IGF2: variants seen among roughly 807,000 people sequenced by gnomAD.
IGF2 encodes the protein insulin like growth factor 2.
In IGF2, 2 loss-of-function variants were observed where a neutral mutation model predicts 12.0. The ratio of observed to expected loss-of-function variants is 0.17; its 90% CI spans 0.07 to 0.52. IGF2 has a LOEUF of 0.52. Ranked by LOEUF, IGF2 falls within the 20% of genes least tolerant of loss-of-function variation. The pLI, the probability that IGF2 is intolerant of heterozygous loss-of-function variation, is 0.95. For missense variants in IGF2, 211 were observed against 268.0 expected (o/e 0.79, Z 1.48); for synonymous variants, 105 against 110.1 (o/e 0.95, Z 0.29).
upstream of IGF2, among the ~76,000 whole-genome samples, chr11:2,145,907 C>A (rs1343530230): frequency 6.6e-6 from 1 of 152,108 alleles, no homozygotes; most frequent in African/African-American, 2.4e-5. Context: ...CTGGCTCCTC[C>A]CCCACTACTT....
chr11:2,137,200 A>G, intron 1 of IGF2: 1 of 991,284 alleles, frequency 1.0e-6, no homozygotes, highest in Non-Finnish European at 1.2e-6. Context: ...ACAGCTCAGC[A>G]GAAGGCTCGC....
the IGF2 span, chr11:2,147,875 C>T: frequency 8.7e-7 from 1 of 1,147,780 alleles, no homozygotes; most frequent in Non-Finnish European, 1.1e-6. This position sits in a 1 kb window ranked among gnomAD's most constrained non-coding sequence, Gnocchi z 7.2. Context: ...TCCCCATACA[C>T]CCCAAGCCTG....
Position 2,132,934 on chromosome 11 carries a change from A to C in IGF2, c.*53T>G. ...GAACCTGATGGAAACGTCCGTGGTC[A>C]GGAGGAGGCTGCAGGATGGTGGCGC... On this transcript the variant is annotated 3_prime_UTR_variant, in exon 4 of 4. Transcript: ENST00000416167. The C allele has an allele frequency of 8.2e-7, 1 of 1,215,182 alleles. No individual in the cohort carries two copies. The highest frequency in any genetic ancestry group is 1.1e-6 in the Non-Finnish European group (1 of 874,442). The allele number at this position is 1,215,182 out of a possible 1,614,324, so 75.3% of individuals were successfully genotyped here.
chr11:2,147,716 C>T, the IGF2 span: 18 of 1,249,588 alleles, frequency 1.4e-5, no homozygotes, highest in Non-Finnish European at 1.8e-5. This position sits in a 1 kb window ranked among gnomAD's most constrained non-coding sequence, Gnocchi z 7.2. Context: ...GCAGGCTGGG[C>T]AGGGGGCTGA....
chr11:2,140,492 G>A, upstream of IGF2: 2 of 553,046 alleles, frequency 3.6e-6, no homozygotes, highest in Non-Finnish European at 6.1e-6. Flanking sequence ...CCCGCGCTCC[G>A]CGCGCGCCTC....
At position 2,138,036 on chromosome 11, in the gene IGF2, G is replaced by C. The variant is rs551235138; in HGVS notation, c.-7+193C>G. Among the ~76,000 whole-genome samples the C allele has an allele frequency of 4.0e-3, 608 of 152,058 alleles. 11 individuals carry two copies. In the South Asian group the frequency reaches 0.044, roughly 11 times the overall value. ...CCAGCTCCGCCGCCAGGGTGAGCGC[G>C]GGGCTCCGCGCAGGGAACGGGACCC... is the stretch of plus-strand genomic sequence containing the variant. On this transcript the variant is annotated intron_variant, in intron 1 of 3. Coordinates refer to ENST00000416167, the MANE Select transcript of IGF2 (RefSeq NM_000612.6).
chr11:2,133,528 T>C lies in IGF2; in HGVS notation c.295A>G (p.Thr99Ala). The C allele has an allele frequency of 6.2e-7, 1 of 1,611,674 alleles. No individual in the cohort carries two copies. The highest frequency in any genetic ancestry group is 8.5e-7 in the Non-Finnish European group (1 of 1,179,342). Reference sequence around the variant, plus strand: ...CCCAGGACCCTCACCGGAAGCACGGTCGGAGGGGTCGACACGTCCCTCTCG... The same window carrying C: ...CCCAGGACCCTCACCGGAAGCACGGCCGGAGGGGTCGACACGTCCCTCTCG... Reference protein sequence around the residue: ...KSERDVSTPPTVLPDNFPRYP... With the variant: ...KSERDVSTPPAVLPDNFPRYP... Residue 99 changes from threonine (T) to alanine (A), a missense_variant, in exon 3 of 4, where the codon ACC becomes GCC. Thr to Ala is a moderately conservative substitution (Grantham distance 58). Coordinates refer to ENST00000416167, the MANE Select transcript of IGF2 (RefSeq NM_000612.6). This position sits in a 1 kb window ranked among gnomAD's most constrained non-coding sequence, Gnocchi z 8.9.
At chr11:2,140,105 T>C, upstream of IGF2, 1 of 1,605,794 alleles carries the variant, frequency 6.2e-7, no homozygotes, top group Non-Finnish European at 8.5e-7. Flanking sequence ...GGAGAGAGGA[T>C]CAGGGCGGGA....
At chr11:2,139,922 C>T (rs532493902), upstream of IGF2, among the ~76,000 whole-genome samples, 1 of 152,082 alleles carries the variant, frequency 6.6e-6, no homozygotes, top group Non-Finnish European at 1.5e-5. Context: ...GCCACCTGCC[C>T]CAGCAGGAGG....
intron 1 of IGF2, among the ~76,000 whole-genome samples, chr11:2,135,946 C>T (rs1193147659): frequency 6.6e-6 from 1 of 152,168 alleles, no homozygotes; most frequent in Non-Finnish European, 1.5e-5. Context: ...CTTCTCAGGC[C>T]TCCAGCGCCA....
In IGF2 at chr11:2,132,976, G is replaced by C; in HGVS notation, c.*11C>G. 1 of 1,484,172 alleles carries C rather than the reference G, an allele frequency of 6.7e-7. No individual in the cohort carries two copies. The allele number at this position is 1,484,172 out of a possible 1,614,324, so 91.9% of individuals were successfully genotyped here. A position where few individuals can be genotyped will look rare whatever the true frequency, so the allele number is the denominator to read the frequency against. On this transcript the variant is annotated 3_prime_UTR_variant, in exon 4 of 4. Coordinates refer to ENST00000416167, the MANE Select transcript of IGF2 (RefSeq NM_000612.6). ...TGGTGGCGCCGGGCTGCAGACTTGCGGCAGTTTTGCTCACTTCCGATTGCT... is the reference window on the plus strand; with the variant it reads ...TGGTGGCGCCGGGCTGCAGACTTGCCGCAGTTTTGCTCACTTCCGATTGCT...
At chr11:2,137,765 C>T (rs912244447) in intron 1 of IGF2, among the ~76,000 whole-genome samples, 9 of 152,338 alleles carry the variant, frequency 5.9e-5, no homozygotes, top group Admixed American at 3.3e-4. Flanking sequence ...CTCGGCCCCT[C>T]TCCATCCTGG....
upstream of IGF2, among the ~76,000 whole-genome samples, chr11:2,143,391 C>A (rs6578988): frequency 1.3e-5 from 2 of 150,120 alleles, no homozygotes. Context: ...GGACGTGTGC[C>A]GGAAACAGTA....
At position 2,130,007 on chromosome 11, in the gene IGF2, GC is replaced by G. The variant is rs938194362; in HGVS notation, c.*2979del. 4.3e-6 allele frequency: 1 copy of G among 230,396 alleles called. No individual in the cohort carries two copies. The highest frequency in any genetic ancestry group is 5.6e-5 in the Admixed American group (1 of 17,700). 14.3% of individuals were successfully genotyped at this position (230,396 alleles called of 1,614,324 possible). A position where few individuals can be genotyped will look rare whatever the true frequency, so the allele number is the denominator to read the frequency against. ...CTACTCCCCGGCCTCACCCCACCTT[GC>G]CCCCAAGAGGTCCCACAGAGCTTCG... On this transcript the variant is annotated 3_prime_UTR_variant, in exon 4 of 4. Transcript: ENST00000416167.
At chr11:2,141,042 G>C, upstream of IGF2, 1 of 242,274 alleles carries the variant, frequency 4.1e-6, no homozygotes, top group Non-Finnish European at 8.3e-6. Context: ...GGGGAGACTG[G>C]GGGCAATGCC....
At position 2,133,720 on chromosome 11, in the gene IGF2, C is replaced by A. The variant is rs771318158; in HGVS notation, c.158-55G>T. On this transcript the variant is annotated intron_variant, in intron 2 of 3. Transcript: ENST00000416167. The surrounding 1 kb of genome is among the most constrained non-coding windows in gnomAD (Gnocchi z 8.9). The stretch of plus-strand genomic sequence containing the variant: ...TGTTAGCACCGCACTGACCCCAGCC[C>A]CCGGAGGCTGAAGGGGGAGCAAACC... The A allele has an allele frequency of 1.1e-5, 18 of 1,597,764 alleles. No individual in the cohort carries two copies. Among genetic ancestry groups the A allele is most frequent in the Non-Finnish European group, 1.5e-5 (18 of 1,173,124 alleles).
the IGF2 span, chr11:2,146,477 A>G: frequency 2.0e-6 from 1 of 505,038 alleles, no homozygotes; most frequent in Non-Finnish European, 4.1e-6. Context: ...AACCCTCCAC[A>G]CCAGACAGCA....
the IGF2 span, chr11:2,149,286 C>T: frequency 1.2e-6 from 2 of 1,613,614 alleles, no homozygotes; most frequent in Non-Finnish European, 1.7e-6. Flanking sequence ...GGTGCCCTGG[C>T]TGTGGCGTCC....
chr11:2,149,152 C>A, the IGF2 span: 2 of 1,613,460 alleles, frequency 1.2e-6, no homozygotes, highest in Non-Finnish European at 1.7e-6. Flanking sequence ...GCGCAGTCCC[C>A]GCAGCTCCTG....
Sources: allele counts gnomAD v4.1 joint callset (sites outside exome capture counted in the v4.1 genomes callset), GRCh38; gene constraint gnomAD v4.1.1; non-coding constraint Gnocchi (gnomAD v3.1); transcripts MANE v1.5; gene names NCBI Gene and HGNC (gene_info 2026-07-23, HGNC 2026-07-21).